The following IFT27 variants were observed in gnomAD, a reference collection of about 807,000 sequenced individuals.
The protein encoded by IFT27 is intraflagellar transport protein 27 homolog.
In IFT27, 19 loss-of-function variants were observed where a neutral mutation model predicts 23.9. The observed-to-expected ratio is 0.79, with a 90% CI of 0.55 to 1.16. The LOEUF (loss-of-function observed/expected upper bound fraction) is 1.16, where lower values mean the gene tolerates loss of function less well. Ranked by LOEUF, IFT27 falls within the 50% of genes most tolerant of loss-of-function variation. The pLI is 0.00. For missense variants in IFT27, 206 were observed against 228.7 expected (o/e 0.90, Z 0.64); for synonymous variants, 91 against 89.1 (o/e 1.02, Z -0.12).
rs1265207112 is a variant in IFT27 at position 36,775,947 on chromosome 22, C to G, written c.-240G>C. On this transcript the variant is annotated 5_prime_UTR_variant, in exon 1 of 7. Transcript: ENST00000433985. ...GGGAGGGCTCCAGGTGGGCCCGGCT[C>G]GAGGCCTGACACGGCAGTCTGAAAA... The G allele has an allele frequency of 1.7e-6, 1 of 593,488 alleles. No individual in the cohort carries two copies. Among genetic ancestry groups the G allele is most frequent in the Non-Finnish European group, 3.0e-6 (1 of 333,296 alleles). The allele number at this position is 593,488 out of a possible 1,614,324, so 36.8% of individuals were successfully genotyped here. A position where few individuals can be genotyped will look rare whatever the true frequency, so the allele number is the denominator to read the frequency against.
intron 1 of IFT27, among the ~76,000 whole-genome samples, chr22:36,774,794 A>G (rs1317060200): frequency 6.6e-6 from 1 of 151,714 alleles, no homozygotes; most frequent in Non-Finnish European, 1.5e-5. Flanking sequence ...CCTGGGCAAC[A>G]GCGTGAGACT....
At chr22:36,770,757 T>G (rs1938369385) in intron 1 of IFT27, among the ~76,000 whole-genome samples, 1 of 152,192 alleles carries the variant, frequency 6.6e-6, no homozygotes. Context: ...AGCCCACCTC[T>G]GCTCGGCCCT....
intron 3 of IFT27, chr22:36,767,087 C>G (rs1339048589): frequency 2.3e-6 from 1 of 430,552 alleles, no homozygotes; most frequent in African/African-American, 2.0e-5. Flanking sequence ...AGAACAAGTT[C>G]CTCAAGGGCC....
At chr22:36,768,349 C>T (rs1938308747) in intron 1 of IFT27, 1 of 323,082 alleles carries the variant, frequency 3.1e-6, no homozygotes, top group Non-Finnish European at 6.1e-6. Flanking sequence ...GGAAGGGTCT[C>T]TGCATTTGTG....
chr22:36,766,788 C>A (rs923662115), intron 3 of IFT27, among the ~76,000 whole-genome samples: 1 of 152,136 alleles, frequency 6.6e-6, no homozygotes, highest in Admixed American at 6.5e-5. Flanking sequence ...TCGGCTCCCC[C>A]ACAAGCTCCC....
rs1230819575 is a variant in IFT27 at position 36,758,266 on chromosome 22, T to C, written c.*45A>G. 2.2e-6 allele frequency: 3 copies of C among 1,374,012 alleles called. No individual in the cohort carries two copies. Among genetic ancestry groups the C allele is most frequent in the Non-Finnish European group, 3.1e-6 (3 of 961,662 alleles). The allele number at this position is 1,374,012 out of a possible 1,614,324, so 85.1% of individuals were successfully genotyped here. A position where few individuals can be genotyped will look rare whatever the true frequency, so the allele number is the denominator to read the frequency against. ...TCATTATATATTAAAAGAGCAGAGG[T>C]AATTCTGTCTTCTCCGGTTGTGCAG... On this transcript the variant is annotated 3_prime_UTR_variant, in exon 7 of 7. Transcript: ENST00000433985.
At chr22:36,761,181 G>A (rs1220583513) in intron 6 of IFT27, 1 of 152,180 alleles carries the variant, frequency 6.6e-6, no homozygotes, top group African/African-American at 2.4e-5. Context: ...GTAGCCCACT[G>A]GCCTTTGGTG....
chr22:36,775,678 C>T lies in IFT27; in HGVS notation c.30G>A (p.Leu10=), dbSNP rs1938484250. The change falls in exon 1 of 7, where the codon CTG becomes CTA. Residue 10 remains leucine, a synonymous_variant. Coordinates refer to ENST00000433985, the MANE Select transcript of IFT27 (RefSeq NM_001177701.3). MVKLAAKCI[L]AGDPAVGKTA... ...AGCGCAAGTTTTCAGACTCACCTGC[C>T]AGGATGCATTTGGCTGCCAGCTTCA... 3.1e-6 allele frequency: 5 copies of T among 1,614,162 alleles called. No homozygotes were observed. Among genetic ancestry groups the T allele is most frequent in the Non-Finnish European group, 4.2e-6 (5 of 1,180,028 alleles).
intron 1 of IFT27, chr22:36,772,614 G>A (rs1249325763): frequency 1.0e-6 from 1 of 985,438 alleles, no homozygotes. Context: ...CGCTGTGTTA[G>A]AACGTATCAC....
chr22:36,762,951 G>C lies in IFT27; in HGVS notation c.415C>G (p.Arg139Gly), dbSNP rs112218090. The change falls in exon 6 of 7, where the codon CGG (arginine) becomes GGG (glycine). Residue 139 changes from arginine (R) to glycine (G), a missense_variant. Physicochemically the swap from Arg to Gly is moderately radical, Grantham distance 125. Coordinates refer to ENST00000433985, the MANE Select transcript of IFT27 (RefSeq NM_001177701.3). Reference protein sequence around the residue: ...GRRAVDSAEARAWALGQGLEC... With the variant: ...GRRAVDSAEAGAWALGQGLEC... ...AGGCCCTGGCCCAGCGCCCATGCCCGGGCCTCAGCTGAGTCCACTGCTCGT... is the reference window on the plus strand; with the variant it reads ...AGGCCCTGGCCCAGCGCCCATGCCCCGGCCTCAGCTGAGTCCACTGCTCGT... 1 of 1,598,250 alleles carries C rather than the reference G, an allele frequency of 6.3e-7. No homozygotes were observed.
chr22:36,764,853 C>T (rs1371210758), intron 4 of IFT27, among the ~76,000 whole-genome samples: 1 of 152,210 alleles, frequency 6.6e-6, no homozygotes, highest in Non-Finnish European at 1.5e-5. Context: ...GGGTGCGCAC[C>T]CTGGTGCTCG....
intron 1 of IFT27, among the ~76,000 whole-genome samples, chr22:36,771,629 A>T (rs1343761021): frequency 2.6e-5 from 4 of 152,110 alleles, no homozygotes; most frequent in African/African-American, 9.7e-5. Flanking sequence ...CAAGCTTCTG[A>T]CAACCCCGAC....
intron 6 of IFT27, 70 bp downstream of exon 6, chr22:36,762,834 G>T: frequency 1.1e-6 from 1 of 906,394 alleles, no homozygotes; most frequent in Non-Finnish European, 1.7e-6. Flanking sequence ...TGCACGTGAG[G>T]TCATGTGCAA....
At chr22:36,772,440 T>C in intron 1 of IFT27, 1 of 882,954 alleles carries the variant, frequency 1.1e-6, no homozygotes, top group Non-Finnish European at 1.4e-6. Context: ...ATATGCACAG[T>C]GCCTGGCATA....
chr22:36,775,632 C>T (rs941910958), intron 1 of IFT27, 42 bp downstream of exon 1: 2 of 1,607,618 alleles, frequency 1.2e-6, no homozygotes, highest in Non-Finnish European at 1.7e-6. Flanking sequence ...AGGCTCTGGA[C>T]TCCAGAGACC....
At chr22:36,763,145 C>A (rs929223784) in intron 5 of IFT27, 132 bp from the exon 6 acceptor site, 33 of 554,422 alleles carry the variant, frequency 6.0e-5, no homozygotes, top group African/African-American at 1.4e-4. Flanking sequence ...GGTGGTGAGC[C>A]CCCCCACAGG....
intron 1 of IFT27, chr22:36,768,329 C>T (rs1432593187): frequency 5.9e-6 from 2 of 340,294 alleles, no homozygotes; most frequent in South Asian, 2.3e-5. Context: ...TTGTGTGGGG[C>T]GTGGGGGGTG....
chr22:36,772,768 A>C (rs1158246019), intron 1 of IFT27: 1 of 985,092 alleles, frequency 1.0e-6, no homozygotes, highest in Non-Finnish European at 1.2e-6. Context: ...TCCTTCAATG[A>C]CCAGTTATGT....
chr22:36,759,269 T>TC (rs1938014909), intron 6 of IFT27: 1 of 152,246 alleles, frequency 6.6e-6, no homozygotes, highest in Non-Finnish European at 1.5e-5. Context: ...GGTCTCTCCC[T>TC]CCCGAAGACT....
Sources: gnomAD v4.1 joint callset for allele counts (sites outside exome capture counted in the v4.1 genomes callset) on GRCh38, gnomAD v4.1.1 for gene constraint, MANE v1.5 for transcripts, NCBI Gene and HGNC (gene_info 2026-07-23, HGNC 2026-07-21) for gene names.